The following KCNK1 variants were observed in gnomAD, a reference collection of about 807,000 sequenced individuals.
KCNK1 encodes the protein potassium two pore domain channel subfamily K member 1, also known as potassium channel subfamily K member 1.
A neutral mutation model predicts 22.2 loss-of-function variants in KCNK1; 10 were observed. That is an observed-to-expected ratio of 0.45 (90% CI 0.28 to 0.76). The LOEUF (loss-of-function observed/expected upper bound fraction) is 0.76. Among genes scored for constraint, KCNK1 ranks in the 30% least tolerant of loss-of-function variants. The pLI is 0.14. For missense variants in KCNK1, 378 were observed against 421.0 expected, an observed-to-expected ratio of 0.90 and a Z score of 0.89; for synonymous variants, 200 against 186.4, an observed-to-expected ratio of 1.07 and a Z score of -0.60.
chr1:233,614,504 C>T lies in KCNK1; in HGVS notation c.333C>T (p.Ala111=), dbSNP rs774771627. 3 of 1,603,342 alleles carry T rather than the reference C, an allele frequency of 1.9e-6. No individual in the cohort carries two copies. In the Admixed American group the frequency reaches 5.1e-5, roughly 27 times the overall value. The change falls in exon 1 of 3, where the codon GCC becomes GCT. Residue 111 remains alanine, a synonymous_variant. Transcript: ENST00000366621. The part of the protein sequence containing the change: ...NWDFTSALFF[A]STVLSTTGYG... ...ACTTCACCTCCGCGCTCTTCTTCGC[C>T]AGCACCGTGCTCTCCACCACAGGTA...
chr1:233,616,539 C>A (rs903088642), intron 1 of KCNK1, among the ~76,000 whole-genome samples: 1 of 151,976 alleles, frequency 6.6e-6, no homozygotes, highest in Admixed American at 6.6e-5. Flanking sequence ...TGTATTCATG[C>A]AAAACAAGTG....
In KCNK1 at chr1:233,614,194, G is replaced by T; in HGVS notation, c.23G>T (p.Ser8Ile). The T allele has an allele frequency of 6.2e-7, 1 of 1,606,874 alleles. No homozygotes were observed. The highest frequency in any genetic ancestry group is 8.5e-7 in the Non-Finnish European group (1 of 1,179,378). The part of the protein sequence containing the change: MLQSLAG[S>I]SCVRLVERHR... ...AAGATGCTGCAGTCCCTGGCCGGCA[G>T]CTCGTGCGTGCGCCTGGTGGAGCGG... Residue 8 changes from serine (S) to isoleucine (I), a missense_variant, in exon 1 of 3, where the codon AGC becomes ATC. Ser to Ile is a moderately radical substitution (Grantham distance 142). Transcript: ENST00000366621.
At chr1:233,663,623 G>A (rs1290641140) in intron 1 of KCNK1, among the ~76,000 whole-genome samples, 1 of 152,118 alleles carries the variant, frequency 6.6e-6, no homozygotes, top group Non-Finnish European at 1.5e-5. Flanking sequence ...ACCAAAAAAA[G>A]TAATAAAATC....
chr1:233,645,830 G>A (rs1369652806), intron 1 of KCNK1, among the ~76,000 whole-genome samples: 1 of 152,166 alleles, frequency 6.6e-6, no homozygotes, highest in African/African-American at 2.4e-5. Flanking sequence ...AACAGCAGTG[G>A]GAATAGCGAG....
chr1:233,664,117 AC>A (rs1248657616), intron 1 of KCNK1, among the ~76,000 whole-genome samples: 1 of 152,024 alleles, frequency 6.6e-6, no homozygotes, highest in Non-Finnish European at 1.5e-5. Flanking sequence ...GGGGTGAGCC[AC>A]CGTGCCCGGC....
chr1:233,626,264 C>G (rs974431252), intron 1 of KCNK1, among the ~76,000 whole-genome samples: 2 of 152,152 alleles, frequency 1.3e-5, no homozygotes, highest in South Asian at 4.2e-4. Context: ...GAATGACCCC[C>G]GGGTTTCTGA....
chr1:233,657,662 G>T (rs138693639), intron 1 of KCNK1, among the ~76,000 whole-genome samples: 70 of 148,700 alleles, frequency 4.7e-4, no homozygotes, highest in South Asian at 1.9e-3. Flanking sequence ...AAGGAAAGAC[G>T]AAAGAAAAGA....
At chr1:233,628,557 C>G (rs1404295649) in intron 1 of KCNK1, among the ~76,000 whole-genome samples, 1 of 152,086 alleles carries the variant, frequency 6.6e-6, no homozygotes, top group Non-Finnish European at 1.5e-5. Flanking sequence ...CTCAGGAGTT[C>G]GAGACCAGTC....
chr1:233,671,508 T>C lies in KCNK1; in HGVS notation c.989T>C (p.Val330Ala), dbSNP rs1408720579. 6.2e-7 allele frequency: 1 copy of C among 1,613,982 alleles called. No individual in the cohort carries two copies. Among genetic ancestry groups the C allele is most frequent in the African/African-American group, 1.3e-5 (1 of 74,914 alleles). Reference sequence around the variant, plus strand: ...GTGGCCACCCAGTCATCTGCCTGCGTGGATGGCCCTGCAAACCATTGAGCG... The same window carrying C: ...GTGGCCACCCAGTCATCTGCCTGCGCGGATGGCCCTGCAAACCATTGAGCG... ...PFVATQSSACVDGPANH is the reference protein window; with the variant it reads ...PFVATQSSACADGPANH The change falls in exon 3 of 3, where the codon GTG becomes GCG. Residue 330 changes from valine to alanine, a missense_variant. By Grantham distance (64) the Val-to-Ala change is moderately conservative (BLOSUM62 0). Coordinates refer to ENST00000366621, the MANE Select transcript of KCNK1 (RefSeq NM_002245.4).
intron 1 of KCNK1, among the ~76,000 whole-genome samples, chr1:233,627,381 G>A (rs1259421391): frequency 1.3e-5 from 2 of 152,174 alleles, no homozygotes; most frequent in South Asian, 2.1e-4. Context: ...GGGTTACCAA[G>A]GCACTTAATT....
At chr1:233,657,661 CGAAAGAAAAGAAAGAAAGA>C (rs1036629955) in intron 1 of KCNK1, among the ~76,000 whole-genome samples, 9 of 140,228 alleles carry the variant, frequency 6.4e-5, no homozygotes, top group East Asian at 2.1e-4. Context: ...AAAGGAAAGA[CGAAAGAAAAGAAAGAAAGA>C]GAAAGAAAAG....
chr1:233,654,824 AAGG>A (rs1357156992), intron 1 of KCNK1, among the ~76,000 whole-genome samples: 2 of 152,216 alleles, frequency 1.3e-5, no homozygotes, highest in Non-Finnish European at 2.9e-5. Context: ...ACCATCTGAT[AAGG>A]AGATTAGTCA....
chr1:233,625,155 A>C (rs1657665408), intron 1 of KCNK1, among the ~76,000 whole-genome samples: 1 of 152,358 alleles, frequency 6.6e-6, no homozygotes, highest in South Asian at 2.1e-4. Flanking sequence ...AAGTATAAAC[A>C]GGTGTGTAAA....
intron 1 of KCNK1, among the ~76,000 whole-genome samples, chr1:233,650,815 T>TAAA (rs1658189421): frequency 7.2e-6 from 1 of 138,066 alleles, no homozygotes; most frequent in African/African-American, 2.8e-5. Flanking sequence ...AAAAAAAAAC[T>TAAA]GTTGACTTCA....
chr1:233,644,947 C>A (rs1658065738), intron 1 of KCNK1, among the ~76,000 whole-genome samples: 1 of 152,112 alleles, frequency 6.6e-6, no homozygotes, highest in Non-Finnish European at 1.5e-5. Context: ...GTAATCCTAG[C>A]ACTTTGGGAG....
At chr1:233,627,343 A>G (rs1402518336) in intron 1 of KCNK1, among the ~76,000 whole-genome samples, 1 of 152,234 alleles carries the variant, frequency 6.6e-6, no homozygotes, top group Non-Finnish European at 1.5e-5. Flanking sequence ...ATATGGTTGT[A>G]ACTCACATTC....
chr1:233,641,624 C>T (rs1658001318), intron 1 of KCNK1, among the ~76,000 whole-genome samples: 1 of 152,190 alleles, frequency 6.6e-6, no homozygotes, highest in Admixed American at 6.5e-5. Context: ...GCTTGCCATT[C>T]CTTCTTCCTG....
intron 1 of KCNK1, among the ~76,000 whole-genome samples, chr1:233,623,275 T>A (rs1657624478): frequency 6.6e-6 from 1 of 151,436 alleles, no homozygotes; most frequent in African/African-American, 2.4e-5. Context: ...CATACTAGCA[T>A]CTGGGAAGGG....
chr1:233,667,186 G>C (rs929874308), intron 2 of KCNK1, among the ~76,000 whole-genome samples, 196 bp downstream of exon 2: 1 of 152,058 alleles, frequency 6.6e-6, no homozygotes, highest in Non-Finnish European at 1.5e-5. Flanking sequence ...GGGCTTACAG[G>C]CTTCTGTCTC....
Sources: gnomAD v4.1 joint callset for allele counts (sites outside exome capture counted in the v4.1 genomes callset) on GRCh38, gnomAD v4.1.1 for gene constraint, MANE v1.5 for transcripts, NCBI Gene and HGNC (gene_info 2026-07-23, HGNC 2026-07-21) for gene names.